The following MCC variants were observed in gnomAD, a reference collection of about 807,000 sequenced individuals.
MCC encodes MCC regulator of Wnt signaling pathway.
MCC carries 90 observed loss-of-function variants against 116.2 expected under a neutral mutation model. The ratio of observed to expected loss-of-function variants is 0.77; its 90% CI spans 0.65 to 0.92. The LOEUF (loss-of-function observed/expected upper bound fraction) is 0.92. Ranked by LOEUF, MCC falls within the 40% of genes least tolerant of loss-of-function variation. The pLI is 0.00. For synonymous variants in MCC, 578 were observed against 510.5 expected, an observed-to-expected ratio of 1.13 and a Z score of -1.78; for missense variants, 1,516 against 1,312.2, an observed-to-expected ratio of 1.16 and a Z score of -2.40.
chr5:113,368,794 T>A (rs1439371440), intron 2 of MCC, among the ~76,000 whole-genome samples: 1 of 152,170 alleles, frequency 6.6e-6, no homozygotes, highest in Non-Finnish European at 1.5e-5. Context: ...AGAGAGAGCA[T>A]CAGCTCCCAC....
At chr5:113,294,298 A>T (rs777651753) in intron 3 of MCC, 2 of 1,612,934 alleles carry the variant, frequency 1.2e-6, no homozygotes, top group African/African-American at 1.3e-5. Context: ...CGCCCGAGAA[A>T]CCCTAGCTCC....
chr5:113,292,180 C>T (rs1479591148), intron 3 of MCC, among the ~76,000 whole-genome samples: 3 of 151,884 alleles, frequency 2.0e-5, no homozygotes, highest in Admixed American at 6.6e-5. Flanking sequence ...TGCAGTGAGC[C>T]GAGATTGCAC....
intron 3 of MCC, among the ~76,000 whole-genome samples, chr5:113,154,367 G>T (rs890909343): frequency 5.9e-5 from 9 of 152,246 alleles, no homozygotes; most frequent in Non-Finnish European, 1.3e-4. Flanking sequence ...TACAACTAGA[G>T]AGAGCAGAAG....
intron 3 of MCC, among the ~76,000 whole-genome samples, chr5:113,301,153 A>G (rs1766852013): frequency 2.6e-5 from 4 of 152,218 alleles, no homozygotes; most frequent in Admixed American, 2.6e-4. Context: ...ATGGGAAATG[A>G]TTAATAAGTA....
chr5:113,422,838 T>G (rs989126490), intron 1 of MCC, among the ~76,000 whole-genome samples: 1 of 152,216 alleles, frequency 6.6e-6, no homozygotes, highest in Non-Finnish European at 1.5e-5. Flanking sequence ...TTGGTAGATT[T>G]AATATACTTA....
rs757355816 is a variant in MCC, at chr5:113,143,254, T to G, written c.848A>C (p.Asn283Thr). The G allele has an allele frequency of 9.3e-6, 15 of 1,611,790 alleles. 1 individual carries two copies. The South Asian group carries it at 1.7e-4, about 18-fold the overall frequency. ...GCCTTGCAGACGGTCTATCTTCTTG[T>G]TGAGCTCCGCAATGACGCTGTGGAG... is the stretch of plus-strand genomic sequence containing the variant. Reference protein sequence around the residue: ...TELHSVIAELNKKIDRLQGTT... With the variant: ...TELHSVIAELTKKIDRLQGTT... Residue 283 changes from asparagine to threonine, a missense_variant, in exon 5 of 19, where the codon AAC (asparagine) becomes ACC (threonine). By Grantham distance (65) the Asn-to-Thr change is moderately conservative. Coordinates refer to ENST00000408903, the MANE Select transcript of MCC (RefSeq NM_001085377.2).
At chr5:113,307,217 G>A (rs977000563) in intron 3 of MCC, among the ~76,000 whole-genome samples, 20 of 152,138 alleles carry the variant, frequency 1.3e-4, no homozygotes, top group Non-Finnish European at 2.4e-4. Flanking sequence ...AGGCGTGCAC[G>A]GAGTCTGTAG....
intron 2 of MCC, among the ~76,000 whole-genome samples, chr5:113,344,215 C>T (rs1768080187): frequency 6.6e-6 from 1 of 152,174 alleles, no homozygotes; most frequent in African/African-American, 2.4e-5. Flanking sequence ...AGTCATTGCC[C>T]ACCCATGGAG....
intron 3 of MCC, among the ~76,000 whole-genome samples, chr5:113,284,107 C>G (rs1353339467): frequency 6.6e-6 from 1 of 152,218 alleles, no homozygotes; most frequent in Non-Finnish European, 1.5e-5. Context: ...TTCTGGTCAA[C>G]AGTAGGCTAT....
intron 17 of MCC, among the ~76,000 whole-genome samples, chr5:113,042,424 G>A (rs571806681): frequency 7.2e-6 from 1 of 139,634 alleles, no homozygotes; most frequent in Non-Finnish European, 1.5e-5. Context: ...GCAGTGAGCT[G>A]TGATTGTGTC....
intron 8 of MCC, among the ~76,000 whole-genome samples, chr5:113,088,365 G>A (rs1165101684): frequency 6.6e-6 from 1 of 151,834 alleles, no homozygotes; most frequent in Non-Finnish European, 1.5e-5. Context: ...ATAGTTAATA[G>A]AGTTCTCACT....
intron 1 of MCC, among the ~76,000 whole-genome samples, chr5:113,462,239 C>T (rs1231667900): frequency 3.3e-5 from 5 of 152,238 alleles, no homozygotes; most frequent in Admixed American, 3.3e-4. Flanking sequence ...CAGCCATTCA[C>T]CCACTTTCTA....
Position 113,466,516 on chromosome 5 carries a change from T to A in MCC, c.170+21729A>T, listed in dbSNP as rs533276660. 2.6e-5 allele frequency among the ~76,000 whole-genome samples: 4 copies of A among 152,250 alleles called. No homozygotes were observed. The South Asian group carries it at 6.2e-4, about 24-fold the overall frequency. On this transcript the variant is annotated intron_variant, in intron 1 of 18. Coordinates refer to ENST00000408903, the MANE Select transcript of MCC (RefSeq NM_001085377.2). ...TGTCCCTACAAAGGACACAAACTCATCATTTTTTATGGCTGCATAGTATTC... is the reference window on the plus strand; with the variant it reads ...TGTCCCTACAAAGGACACAAACTCAACATTTTTTATGGCTGCATAGTATTC...
intron 3 of MCC, among the ~76,000 whole-genome samples, chr5:113,290,164 A>T (rs1766427190): frequency 6.6e-6 from 1 of 152,262 alleles, no homozygotes; most frequent in Non-Finnish European, 1.5e-5. Flanking sequence ...GTGGCATTTC[A>T]GGAGTTACTC....
intron 3 of MCC, among the ~76,000 whole-genome samples, chr5:113,271,352 T>C (rs979462482): frequency 3.3e-5 from 5 of 152,136 alleles, no homozygotes; most frequent in African/African-American, 1.2e-4. Context: ...ACAGTGAGGA[T>C]CCCTTGGCTC....
intron 1 of MCC, among the ~76,000 whole-genome samples, chr5:113,461,977 T>G (rs1230729763): frequency 1.3e-5 from 2 of 152,214 alleles, no homozygotes; most frequent in Non-Finnish European, 2.9e-5. Context: ...AATATGTCTT[T>G]AGGACACTGT....
chr5:113,140,272 G>C (rs188042288), intron 5 of MCC, among the ~76,000 whole-genome samples: 36 of 152,302 alleles, frequency 2.4e-4, no homozygotes, highest in African/African-American at 7.5e-4. Context: ...AATAGTTACA[G>C]AGTCTCCAAG....
intron 3 of MCC, among the ~76,000 whole-genome samples, chr5:113,264,203 C>T (rs1765326585): frequency 6.6e-6 from 1 of 152,142 alleles, no homozygotes; most frequent in Non-Finnish European, 1.5e-5. Flanking sequence ...GCAGTTTGTC[C>T]CTGCCAAAAC....
chr5:113,201,551 G>C (rs1171852031), intron 3 of MCC, among the ~76,000 whole-genome samples: 2 of 152,086 alleles, frequency 1.3e-5, no homozygotes, highest in African/African-American at 4.8e-5. Context: ...TTTCTCCCCA[G>C]CTATAGGTTT....
Sources: gnomAD v4.1 joint callset for allele counts (sites outside exome capture counted in the v4.1 genomes callset) on GRCh38, gnomAD v4.1.1 for gene constraint, MANE v1.5 for transcripts, NCBI Gene and HGNC (gene_info 2026-07-23, HGNC 2026-07-21) for gene names.